The following TERF2 variants were observed in gnomAD, a reference collection of about 807,000 sequenced individuals.
The protein encoded by TERF2 is telomeric repeat binding factor 2.
In TERF2, 16 loss-of-function variants were observed where a neutral mutation model predicts 56.1. The ratio of observed to expected loss-of-function variants is 0.29; its 90% CI spans 0.19 to 0.43. TERF2 has a LOEUF of 0.43. TERF2 is among the 20% of genes least tolerant of loss of function. The pLI is 1.00. For synonymous variants in TERF2, 296 were observed against 282.1 expected (o/e 1.05, Z -0.50); for missense variants, 547 against 712.9 (o/e 0.77, Z 2.65).
intron 3 of TERF2, among the ~76,000 whole-genome samples, chr16:69,376,333 T>A (rs1490643880): frequency 6.6e-6 from 1 of 152,210 alleles, no homozygotes; most frequent in African/African-American, 2.4e-5. Context: ...AGCCTTCACA[T>A]CTTTGTCAAA....
At chr16:69,379,969 T>C (rs2013934901) in intron 3 of TERF2, among the ~76,000 whole-genome samples, 1 of 152,100 alleles carries the variant, frequency 6.6e-6, no homozygotes, top group African/African-American at 2.4e-5. Context: ...TGGAGTGCAG[T>C]GATGTGATCT....
chr16:69,384,276 T>C (rs1008336606), intron 3 of TERF2, among the ~76,000 whole-genome samples: 1 of 152,076 alleles, frequency 6.6e-6, no homozygotes, highest in African/African-American at 2.4e-5. Flanking sequence ...TAGGCCAGAG[T>C]TACTTAAGGC....
At position 69,377,842 on chromosome 16, in the gene TERF2, AT is replaced by A. The variant is rs201472154; in HGVS notation, c.607-5488del. 3.7e-3 allele frequency among the ~76,000 whole-genome samples: 542 copies of A among 146,756 alleles called. 10 individuals are homozygous for A. The East Asian group carries it at 0.069, about 19-fold the overall frequency. Reference sequence around the variant, plus strand: ...GTGTTGATCTTGCTAAACTTACAGGATTTTTTTTTTTGTATACTTCATGAGA... The same window carrying A: ...GTGTTGATCTTGCTAAACTTACAGGATTTTTTTTTTGTATACTTCATGAGA... On this transcript the variant is annotated intron_variant, in intron 3 of 9. Transcript: ENST00000254942.
intron 3 of TERF2, among the ~76,000 whole-genome samples, chr16:69,378,950 T>TG (rs138150878): frequency 0.11 from 15,114 of 141,584 alleles, 895 homozygotes; most frequent in African/African-American, 0.17. Context: ...TAATTTCCTG[T>TG]GGGGGGGGGG....
At chr16:69,379,590 T>C (rs2142761841) in intron 3 of TERF2, among the ~76,000 whole-genome samples, 1 of 152,354 alleles carries the variant, frequency 6.6e-6, no homozygotes, top group African/African-American at 2.4e-5. Context: ...TTTTATATTC[T>C]TCTTAAAACG....
At chr16:69,381,519 C>T (rs1189667699) in intron 3 of TERF2, among the ~76,000 whole-genome samples, 1 of 150,580 alleles carries the variant, frequency 6.6e-6, no homozygotes, top group African/African-American at 2.5e-5. Flanking sequence ...TTCACTCTGT[C>T]GTCCAGGCTC....
intron 6 of TERF2, among the ~76,000 whole-genome samples, chr16:69,367,880 G>C (rs2013409528): frequency 6.6e-6 from 1 of 152,120 alleles, no homozygotes; most frequent in Admixed American, 6.5e-5. Flanking sequence ...GAGCATCCTT[G>C]GATACTCCCA....
chr16:69,360,705 C>CAAAAAA, intron 8 of TERF2, among the ~76,000 whole-genome samples: 1 of 65,414 alleles, frequency 1.5e-5, no homozygotes, highest in African/African-American at 6.1e-5. Flanking sequence ...GACCCTGTCT[C>CAAAAAA]AAAAAAAAAA....
At chr16:69,381,053 C>T (rs2013981661) in intron 3 of TERF2, among the ~76,000 whole-genome samples, 1 of 152,110 alleles carries the variant, frequency 6.6e-6, no homozygotes, top group Non-Finnish European at 1.5e-5. Context: ...GATCTACCTG[C>T]CTTGGCCTCC....
chr16:69,358,303 G>A (rs139622327), intron 8 of TERF2, among the ~76,000 whole-genome samples: 2,059 of 151,848 alleles, frequency 0.014, 54 homozygotes, highest in African/African-American at 0.048. Flanking sequence ...ATGAGCCACC[G>A]TGCCCGGCTA....
chr16:69,378,544 A>G (rs1386574105), intron 3 of TERF2, among the ~76,000 whole-genome samples: 1 of 152,174 alleles, frequency 6.6e-6, no homozygotes, highest in African/African-American at 2.4e-5. Flanking sequence ...AGAAAGAGAA[A>G]GCTTCTCTTG....
At chr16:69,371,018 C>CACA (rs779266837) in intron 4 of TERF2, among the ~76,000 whole-genome samples, 1 of 149,890 alleles carries the variant, frequency 6.7e-6, no homozygotes, top group African/African-American at 2.5e-5. Context: ...CACACACACA[C>CACA]AATTTGCTTG....
rs376263987 is a variant in TERF2, at chr16:69,356,783, G to C, written c.*115C>G. Reference sequence around the variant, plus strand: ...CCACTGCACTCCAGCCTGGGTGACAGAGCGAGACTCTGTCTCAAAAAAAAA... The same window carrying C: ...CCACTGCACTCCAGCCTGGGTGACACAGCGAGACTCTGTCTCAAAAAAAAA... On this transcript the variant is annotated 3_prime_UTR_variant, in exon 10 of 10. Coordinates refer to ENST00000254942, the MANE Select transcript of TERF2 (RefSeq NM_005652.5). 3.0e-4 allele frequency: 359 copies of C among 1,204,030 alleles called. No homozygotes were observed. The African/African-American group carries it at 5.1e-3, about 17-fold the overall frequency. The allele number at this position is 1,204,030 out of a possible 1,614,324, so 74.6% of individuals were successfully genotyped here.
In TERF2 at chr16:69,385,953, TC is replaced by T; in HGVS notation, c.18del (p.Thr7ArgfsTer152). 7.4e-7 allele frequency: 1 copy of T among 1,359,798 alleles called. No homozygotes were observed. The highest frequency in any genetic ancestry group is 3.5e-5 in the Admixed American group (1 of 28,784). The allele number at this position is 1,359,798 out of a possible 1,614,324, so 84.2% of individuals were successfully genotyped here. MAAGA[G>X]TAGPASGPGV... ...CCCGGGCCGGAAGCGGGGCCCGCCGTCCCGGCTCCCGCGGCCATGATAGAAA... is the reference window on the plus strand; with the variant it reads ...CCCGGGCCGGAAGCGGGGCCCGCCGTCCGGCTCCCGCGGCCATGATAGAAA... On this transcript the variant is annotated frameshift_variant, in exon 1 of 10. Coordinates refer to ENST00000254942, the MANE Select transcript of TERF2 (RefSeq NM_005652.5). LOFTEE classifies it high-confidence loss of function.
At chr16:69,365,082 A>G (rs2013288239) in intron 7 of TERF2, 1 of 152,272 alleles carries the variant, frequency 6.6e-6, no homozygotes, top group Non-Finnish European at 1.5e-5. Flanking sequence ...TATCCTTGAC[A>G]TATGAGAGAG....
chr16:69,376,691 CAAAAAAA>C (rs1003834288), intron 3 of TERF2, among the ~76,000 whole-genome samples: 6 of 94,804 alleles, frequency 6.3e-5, no homozygotes, highest in East Asian at 2.8e-4. Flanking sequence ...CCATCTTTAC[CAAAAAAA>C]AAAAAAAAAA....
intron 7 of TERF2, among the ~76,000 whole-genome samples, chr16:69,363,228 C>G (rs2013210139): frequency 6.6e-6 from 1 of 152,032 alleles, no homozygotes; most frequent in African/African-American, 2.4e-5. Flanking sequence ...TGTGCTTATC[C>G]CAGTGCTGGA....
At chr16:69,384,779 T>C in intron 2 of TERF2, 69 bp from the exon 3 acceptor site, 12 of 1,366,852 alleles carry the variant, frequency 8.8e-6, no homozygotes, top group Non-Finnish European at 1.2e-5. Context: ...CCAAAAATTA[T>C]ATATATATAT....
At chr16:69,380,292 AG>A (rs1392173528) in intron 3 of TERF2, among the ~76,000 whole-genome samples, 1 of 152,194 alleles carries the variant, frequency 6.6e-6, no homozygotes, top group Non-Finnish European at 1.5e-5. Flanking sequence ...TAGCTTTTTC[AG>A]AAAACTGTGG....
Sources: allele counts gnomAD v4.1 joint callset (sites outside exome capture counted in the v4.1 genomes callset), GRCh38; gene constraint gnomAD v4.1.1; transcripts MANE v1.5; gene names NCBI Gene and HGNC (gene_info 2026-07-23, HGNC 2026-07-21).